Variants in ITPR1 observed in about 807,000 individuals in gnomAD.
The protein encoded by ITPR1 is inositol 1,4,5-trisphosphate-gated calcium channel ITPR1.
ITPR1 carries 96 observed loss-of-function variants against 318.4 expected under a neutral mutation model. The observed-to-expected ratio is 0.30, with a 90% CI of 0.26 to 0.36. The LOEUF is 0.36. Among genes scored for constraint, ITPR1 ranks in the 10% least tolerant of loss-of-function variants. The probability of loss-of-function intolerance (pLI) is 1.00; values close to 1 mark genes in which losing one functional copy is unlikely to be tolerated. For synonymous variants in ITPR1, 1,312 were observed against 1,289.9 expected, an observed-to-expected ratio of 1.02 and a Z score of -0.37; for missense variants, 2,440 against 3,460.2, an observed-to-expected ratio of 0.71 and a Z score of 7.40.
intron 55 of ITPR1, among the ~76,000 whole-genome samples, chr3:4,808,857 GC>G (rs140594298): frequency 0.018 from 2,737 of 152,062 alleles, 40 homozygotes; most frequent in Non-Finnish European, 0.03. Context: ...TTAAACTGCT[GC>G]CCCCCCTCCC....
intron 12 of ITPR1, among the ~76,000 whole-genome samples, chr3:4,656,576 C>T (rs981396678): frequency 1.3e-5 from 2 of 152,138 alleles, no homozygotes; most frequent in African/African-American, 4.8e-5. Flanking sequence ...ATTAAAAGAA[C>T]CTTTTTTAAA....
In ITPR1 at chr3:4,697,129, CTTCT is replaced by C; in HGVS notation, c.4282-13_4282-10del. 6.2e-7 allele frequency: 1 copy of C among 1,608,408 alleles called. No individual in the cohort carries two copies. Among genetic ancestry groups the C allele is most frequent in the Non-Finnish European group, 8.5e-7 (1 of 1,176,900 alleles). On this transcript the variant is annotated splice_polypyrimidine_tract_variant and intron_variant, in intron 33 of 61. Coordinates refer to ENST00000649015, the MANE Select transcript of ITPR1 (RefSeq NM_001378452.1). ...ACACCAAGATGGTTTTTCAGAAAAGCTTCTTTCTATCTTGCAGGTTAAAATTGCA... is the reference window on the plus strand; with the variant it reads ...ACACCAAGATGGTTTTTCAGAAAAGCTTCTATCTTGCAGGTTAAAATTGCA...
intron 4 of ITPR1, among the ~76,000 whole-genome samples, chr3:4,524,855 C>T (rs1034226692): frequency 2.0e-5 from 3 of 152,168 alleles, no homozygotes; most frequent in Admixed American, 6.5e-5. Context: ...ATTACTTCAC[C>T]TTTGCCAACC....
chr3:4,656,419 A>T (rs541499938), intron 12 of ITPR1, among the ~76,000 whole-genome samples: 14 of 152,326 alleles, frequency 9.2e-5, no homozygotes, highest in Non-Finnish European at 1.5e-4. Context: ...TCTTACTCCT[A>T]AACTGCAGTT....
chr3:4,654,121 G>C (rs2093654425), intron 12 of ITPR1, among the ~76,000 whole-genome samples: 1 of 152,144 alleles, frequency 6.6e-6, no homozygotes, highest in South Asian at 2.1e-4. Context: ...TAGTAACGGG[G>C]TCTCCATTTC....
intron 57 of ITPR1, 89 bp downstream of exon 57, chr3:4,813,323 T>C (rs776199124): frequency 3.3e-6 from 3 of 904,484 alleles, no homozygotes; most frequent in Non-Finnish European, 3.5e-6. Flanking sequence ...AAGATTAAAT[T>C]TACTGCTCAG....
intron 61 of ITPR1, among the ~76,000 whole-genome samples, chr3:4,845,405 A>T (rs957559317): frequency 6.6e-6 from 1 of 152,230 alleles, no homozygotes; most frequent in Non-Finnish European, 1.5e-5. Flanking sequence ...GAGACCCATC[A>T]ACATGAGAAT....
At chr3:4,838,764 T>C (rs1189584958) in intron 61 of ITPR1, among the ~76,000 whole-genome samples, 1 of 152,204 alleles carries the variant, frequency 6.6e-6, no homozygotes, top group African/African-American at 2.4e-5. Context: ...TTGGAGGCTC[T>C]TTGGGGGTAT....
rs532191290 is a variant in ITPR1, at chr3:4,721,589, G to C, written c.5137-3957G>C. ...TCTCCTCTGAGGTTATGAGTGAGTG[G>C]AAAGGAACTCTGAAGACTGATTCGA... On this transcript the variant is annotated intron_variant, in intron 40 of 61. Coordinates refer to ENST00000649015, the MANE Select transcript of ITPR1 (RefSeq NM_001378452.1). Among the ~76,000 whole-genome samples the C allele has an allele frequency of 6.0e-4, 92 of 152,232 alleles. 1 individual carries two copies. Among genetic ancestry groups the C allele is most frequent in the African/African-American group, 2.1e-3 (87 of 41,536 alleles).
At chr3:4,746,861 C>A (rs1231452155) in intron 44 of ITPR1, among the ~76,000 whole-genome samples, 3 of 152,190 alleles carry the variant, frequency 2.0e-5, no homozygotes, top group Admixed American at 1.3e-4. Context: ...CTTCCCTCAC[C>A]CACTAACTCG....
intron 5 of ITPR1, among the ~76,000 whole-genome samples, chr3:4,634,790 G>A (rs1178386713): frequency 5.9e-5 from 9 of 152,208 alleles, no homozygotes; most frequent in East Asian, 5.8e-4. Context: ...CCAGGCTGGA[G>A]TACAGTGGTG....
chr3:4,594,188 A>G (rs549738545), intron 4 of ITPR1, among the ~76,000 whole-genome samples: 1 of 152,336 alleles, frequency 6.6e-6, no homozygotes, highest in South Asian at 2.1e-4. Context: ...TCACTGGTAC[A>G]GAAGAACCAA....
intron 10 of ITPR1, among the ~76,000 whole-genome samples, chr3:4,648,058 A>T (rs2093503707): frequency 6.6e-6 from 1 of 152,122 alleles, no homozygotes; most frequent in Non-Finnish European, 1.5e-5. Context: ...AGGCTGAGGC[A>T]GGAGAATCAC....
intron 37 of ITPR1, among the ~76,000 whole-genome samples, chr3:4,708,094 A>G (rs2094796542): frequency 1.3e-5 from 2 of 152,210 alleles, no homozygotes; most frequent in African/African-American, 4.8e-5. Flanking sequence ...GGGTCAAGGA[A>G]GACCTTGCTG....
At chr3:4,685,761 T>C (rs564859439) in intron 30 of ITPR1, among the ~76,000 whole-genome samples, 1 of 152,336 alleles carries the variant, frequency 6.6e-6, no homozygotes, top group South Asian at 2.1e-4. Flanking sequence ...CGTATTTGAT[T>C]TGGGGAGGCA....
chr3:4,846,048 C>G (rs893108997), intron 61 of ITPR1, 91 bp from the exon 62 acceptor site: 1 of 727,116 alleles, frequency 1.4e-6, no homozygotes, highest in Admixed American at 2.9e-5. Context: ...TCAGTATAAA[C>G]CATAACCACA....
chr3:4,568,208 C>T (rs940303080), intron 4 of ITPR1, among the ~76,000 whole-genome samples: 5 of 152,112 alleles, frequency 3.3e-5, no homozygotes, highest in Non-Finnish European at 7.4e-5. Flanking sequence ...TTGTGGAGAA[C>T]CTCAGAAGAC....
At chr3:4,691,001 G>A in intron 31 of ITPR1, 143 bp from the exon 32 acceptor site, 1 of 510,650 alleles carries the variant, frequency 2.0e-6, no homozygotes, top group Admixed American at 3.7e-5. Flanking sequence ...TAGTACAGAA[G>A]CAAGAATGAG....
chr3:4,643,599 G>T (rs61206885), intron 7 of ITPR1, among the ~76,000 whole-genome samples: 2,094 of 9,454 alleles, frequency 0.22, 51 homozygotes, highest in African/African-American at 0.29. Flanking sequence ...TTGTTTTTTT[G>T]GGGGGGGGGT....
Sources: allele counts gnomAD v4.1 joint callset (sites outside exome capture counted in the v4.1 genomes callset), GRCh38; gene constraint gnomAD v4.1.1; transcripts MANE v1.5; gene names NCBI Gene and HGNC (gene_info 2026-07-23, HGNC 2026-07-21).